Variants in NEK1 observed in about 807,000 individuals in gnomAD.
The protein encoded by NEK1 is NIMA related kinase 1, also known as serine/threonine-protein kinase Nek1.
In NEK1, 137 loss-of-function variants were observed where a neutral mutation model predicts 182.1. The observed-to-expected ratio is 0.75, with a 90% CI of 0.65 to 0.87. NEK1 has a LOEUF of 0.87. Ranked by LOEUF, NEK1 falls within the 40% of genes least tolerant of loss-of-function variation. The probability of loss-of-function intolerance (pLI) is 0.00; values close to 1 mark genes in which losing one functional copy is unlikely to be tolerated. For missense variants in NEK1, 1,391 were observed against 1,494.4 expected (o/e 0.93, Z 1.14); for synonymous variants, 513 against 492.2 (o/e 1.04, Z -0.56).
intron 23 of NEK1, among the ~76,000 whole-genome samples, chr4:169,499,050 C>T (rs1751917248): frequency 6.6e-6 from 1 of 152,176 alleles, no homozygotes; most frequent in Admixed American, 6.5e-5. Context: ...ACCAATCAGA[C>T]GTAGATTTGG....
chr4:169,530,661 C>T (rs576328863), intron 19 of NEK1, among the ~76,000 whole-genome samples: 5 of 151,504 alleles, frequency 3.3e-5, no homozygotes, highest in African/African-American at 1.2e-4. Context: ...TACATACATA[C>T]AATTTACAAG....
rs534920878 is a variant in NEK1, at chr4:169,487,838, T to A, written c.2008-8304A>T. Among the ~76,000 whole-genome samples, 7 of 152,280 alleles carry A rather than the reference T, an allele frequency of 4.6e-5. No individual in the cohort carries two copies. In the East Asian group the frequency reaches 1.3e-3, roughly 29 times the overall value. On this transcript the variant is annotated intron_variant, in intron 23 of 35. Transcript: ENST00000507142. Reference sequence around the variant, plus strand: ...TTGCCAGCATCTGTTGTTTCTTGATTTTTTAATAATTGCCATTCTGACTGA... The same window carrying A: ...TTGCCAGCATCTGTTGTTTCTTGATATTTTAATAATTGCCATTCTGACTGA...
At chr4:169,530,221 T>A (rs1465670156) in intron 19 of NEK1, among the ~76,000 whole-genome samples, 1 of 152,234 alleles carries the variant, frequency 6.6e-6, no homozygotes, top group East Asian at 1.9e-4. Context: ...ACAACTTGCA[T>A]GAATATCATT....
At chr4:169,431,912 A>T (rs1217162030) in intron 29 of NEK1, among the ~76,000 whole-genome samples, 1 of 152,014 alleles carries the variant, frequency 6.6e-6, no homozygotes, top group East Asian at 1.9e-4. Flanking sequence ...TAAACTATAT[A>T]CTTCAGCATG....
At chr4:169,509,924 T>C (rs923134172) in intron 19 of NEK1, among the ~76,000 whole-genome samples, 5 of 152,146 alleles carry the variant, frequency 3.3e-5, no homozygotes, top group Admixed American at 6.6e-5. Context: ...CCAGACAATA[T>C]TATATCCTGA....
intron 19 of NEK1, among the ~76,000 whole-genome samples, chr4:169,521,877 C>G (rs1464106582): frequency 6.6e-6 from 1 of 152,098 alleles, no homozygotes; most frequent in East Asian, 1.9e-4. Context: ...AAAAACATTT[C>G]TTAGTGTGGA....
chr4:169,593,873 T>C (rs1309231966), intron 5 of NEK1, among the ~76,000 whole-genome samples: 6 of 151,570 alleles, frequency 4.0e-5, no homozygotes, highest in Admixed American at 2.0e-4. Flanking sequence ...CCTGTAGTCC[T>C]AGCTACGCGG....
At chr4:169,464,392 G>A (rs1484940037) in intron 26 of NEK1, among the ~76,000 whole-genome samples, 5 of 152,162 alleles carry the variant, frequency 3.3e-5, no homozygotes, top group Non-Finnish European at 5.9e-5. Context: ...TGAGGGATCA[G>A]AAAGGGATCT....
intron 24 of NEK1, 107 bp from the exon 25 acceptor site, chr4:169,477,604 T>C: frequency 1.3e-6 from 1 of 797,660 alleles, no homozygotes; most frequent in Non-Finnish European, 1.9e-6. Context: ...ATTTGTTCCT[T>C]GTAAATTTTT....
intron 16 of NEK1, among the ~76,000 whole-genome samples, chr4:169,560,603 G>A (rs900710408): frequency 1.6e-4 from 24 of 151,922 alleles, no homozygotes; most frequent in African/African-American, 2.7e-4. Flanking sequence ...TGTGTATACC[G>A]CAGTTGAGAA....
intron 23 of NEK1, among the ~76,000 whole-genome samples, chr4:169,497,797 C>G (rs547857414): frequency 6.6e-6 from 1 of 152,138 alleles, no homozygotes; most frequent in Non-Finnish European, 1.5e-5. Context: ...TGTTCTTTTA[C>G]ATTTGCTGAG....
chr4:169,563,116 T>C (rs1763171233), intron 12 of NEK1, among the ~76,000 whole-genome samples: 1 of 152,106 alleles, frequency 6.6e-6, no homozygotes, highest in African/African-American at 2.4e-5. Flanking sequence ...TCCTAGCACT[T>C]TGGGAGGCCA....
chr4:169,579,483 A>G (rs1164570200), intron 11 of NEK1, among the ~76,000 whole-genome samples: 1 of 152,078 alleles, frequency 6.6e-6, no homozygotes, highest in Non-Finnish European at 1.5e-5. Context: ...CAATGAGAGG[A>G]TGTGTAAGGG....
chr4:169,449,320 T>C (rs1741247836), intron 27 of NEK1, among the ~76,000 whole-genome samples: 1 of 152,238 alleles, frequency 6.6e-6, no homozygotes, highest in Non-Finnish European at 1.5e-5. Context: ...CCCAGCATGG[T>C]GCTTGAGCTC....
intron 27 of NEK1, among the ~76,000 whole-genome samples, chr4:169,461,534 G>A (rs770421817): frequency 5.9e-5 from 9 of 152,086 alleles, no homozygotes; most frequent in South Asian, 4.1e-4. Context: ...AGCTGTGGCC[G>A]CAGAGCATTT....
At position 169,514,514 on chromosome 4, in the gene NEK1, A is replaced by G. The variant is rs72974721; in HGVS notation, c.1666-5662T>C. ...AAACCATCTAGGCCCAGAGATTTTCAATAGTTTTTGAATCACGAATTCAAC... is the reference window on the plus strand; with the variant it reads ...AAACCATCTAGGCCCAGAGATTTTCGATAGTTTTTGAATCACGAATTCAAC... On this transcript the variant is annotated intron_variant, in intron 19 of 35. Coordinates refer to ENST00000507142, the MANE Select transcript of NEK1 (RefSeq NM_001199397.3). 7.9e-3 allele frequency among the ~76,000 whole-genome samples: 1,202 copies of G among 152,298 alleles called. 19 individuals carry two copies. Among genetic ancestry groups the G allele is most frequent in the African/African-American group, 0.027 (1,129 of 41,570 alleles).
chr4:169,452,048 T>C (rs1741903239), intron 27 of NEK1, among the ~76,000 whole-genome samples: 1 of 152,206 alleles, frequency 6.6e-6, no homozygotes, highest in African/African-American at 2.4e-5. Flanking sequence ...AATGCATACA[T>C]TCCTGGACAC....
At position 169,433,606 on chromosome 4, in the gene NEK1, T is replaced by G; in HGVS notation, c.2824A>C (p.Ser942Arg). Residue 942 changes from serine to arginine, a missense_variant, in exon 29 of 36, where the codon AGC becomes CGC. Ser to Arg is a moderately radical substitution (Grantham distance 110). Transcript: ENST00000507142. ...QEPSGTNKDE[S>R]LPCTITDVWI... Reference sequence around the variant, plus strand: ...ACATCAGTAATAGTGCATGGCAAGCTCTCATCTTTGTTTGTTCCACTTGGC... The same window carrying G: ...ACATCAGTAATAGTGCATGGCAAGCGCTCATCTTTGTTTGTTCCACTTGGC... The G allele has an allele frequency of 6.2e-7, 1 of 1,613,430 alleles. No individual in the cohort carries two copies. The highest frequency in any genetic ancestry group is 2.2e-5 in the East Asian group (1 of 44,776).
At chr4:169,554,413 G>A (rs1237366039) in intron 18 of NEK1, 3 of 110,784 alleles carry the variant, frequency 2.7e-5, no homozygotes, top group Non-Finnish European at 5.3e-5. Context: ...ACAAGAACCT[G>A]TCTCAAAAAA....
Sources: gnomAD v4.1 joint callset for allele counts (sites outside exome capture counted in the v4.1 genomes callset) on GRCh38, gnomAD v4.1.1 for gene constraint, MANE v1.5 for transcripts, NCBI Gene and HGNC (gene_info 2026-07-23, HGNC 2026-07-21) for gene names.